OFD1: variants seen among roughly 807,000 people sequenced by gnomAD.
OFD1 encodes the protein OFD1 centriole and centriolar satellite protein.
OFD1 carries 12 observed loss-of-function variants against 81.4 expected under a neutral mutation model. The ratio of observed to expected loss-of-function variants is 0.15; its 90% CI spans 0.09 to 0.24. The LOEUF is 0.24. Ranked by LOEUF, OFD1 falls within the 10% of genes least tolerant of loss-of-function variation. OFD1 has a pLI of 1.00. For synonymous variants in OFD1, 256 were observed against 263.7 expected, an observed-to-expected ratio of 0.97 and a Z score of 0.28; for missense variants, 685 against 733.9, an observed-to-expected ratio of 0.93 and a Z score of 0.77.
the OFD1 span, among the ~76,000 whole-genome samples, chrX:13,725,594 A>T: frequency 8.9e-6 from 1 of 112,423 alleles, no homozygotes; most frequent in African/African-American, 3.2e-5. Flanking sequence ...CCAAAACCCC[A>T]TCTGTAGGTC....
intron 15 of OFD1, among the ~76,000 whole-genome samples, chrX:13,758,695 G>GT (rs1183701653): frequency 2.7e-5 from 3 of 111,440 alleles, no homozygotes; most frequent in South Asian, 7.5e-4. Flanking sequence ...TAGGAAAGGC[G>GT]TGGTGGTAAC....
intron 12 of OFD1, 97 bp from the exon 13 acceptor site, chrX:13,756,481 A>T: frequency 3.2e-6 from 2 of 630,145 alleles, no homozygotes; most frequent in Non-Finnish European, 5.0e-6. Flanking sequence ...GACCTTAATT[A>T]AATTGTGACA....
chrX:13,744,493 G>A lies in OFD1; in HGVS notation c.491G>A (p.Ser164Asn), dbSNP rs1227304686. The change falls in exon 6 of 23, where the codon AGT becomes AAT. Residue 164 changes from serine to asparagine, a missense_variant. Physicochemically the swap from Ser to Asn is conservative, Grantham distance 46. This residue lies in a region of OFD1 where 414 missense variants were observed against 447.2 expected (regional missense o/e 0.93). Transcript: ENST00000340096. ...AGTTGTAATATGGAAACTCAGACAA[G>A]TTCGACATTTAACAGAGATTCTCTG... ...KESCNMETQT[S>N]STFNRDSLAE... 1.4e-5 allele frequency: 16 copies of A among 1,154,315 alleles called. No homozygotes were observed. Among genetic ancestry groups the A allele is most frequent in the Non-Finnish European group, 1.9e-5 (16 of 844,914 alleles).
the OFD1 span, among the ~76,000 whole-genome samples, chrX:13,729,636 C>T: frequency 5.8e-4 from 65 of 111,911 alleles, 1 homozygote; most frequent in East Asian, 0.016. Flanking sequence ...GGGCTGGGCA[C>T]GGTGGCTCAA....
Position 13,738,437 on chromosome X carries a change from TTTAA to T in OFD1, c.313-405_313-402del, listed in dbSNP as rs750233492. ...CTGTTAAACAATATTTTAAGTACAC[TTTAA>T]TTACGGTTTTAAGGACAGTAAAAAT... On this transcript the variant is annotated intron_variant, in intron 3 of 22. Transcript: ENST00000340096. Among the ~76,000 whole-genome samples the T allele has an allele frequency of 5.3e-5, 6 of 112,714 alleles. No individual in the cohort carries two copies. The South Asian group carries it at 2.1e-3, about 40-fold the overall frequency.
At chrX:13,757,856 A>G in intron 14 of OFD1, 66 bp downstream of exon 14, 1 of 1,094,305 alleles carries the variant, frequency 9.1e-7, no homozygotes. Context: ...TAAACTTGGC[A>G]CAAGTCACAC....
chrX:13,724,902 C>T, the OFD1 span, among the ~76,000 whole-genome samples: 3 of 113,262 alleles, frequency 2.6e-5, no homozygotes, highest in African/African-American at 9.6e-5. Context: ...CACCCAAATA[C>T]TGTGCTTTTC....
At chrX:13,717,582 T>C in the OFD1 span, among the ~76,000 whole-genome samples, 1 of 110,164 alleles carries the variant, frequency 9.1e-6, no homozygotes, top group Non-Finnish European at 1.9e-5. Context: ...TCTCTACTAA[T>C]ACAAAAATTG....
the OFD1 span, among the ~76,000 whole-genome samples, chrX:13,724,436 C>T: frequency 2.1e-4 from 22 of 105,780 alleles, no homozygotes; most frequent in African/African-American, 6.6e-4. Context: ...TTTTAGGCTA[C>T]GATCAGGAAA....
chrX:13,716,367 A>T, the OFD1 span: 2 of 636,834 alleles, frequency 3.1e-6, no homozygotes, highest in Non-Finnish European at 4.8e-6. Context: ...TATTAAACAA[A>T]ATGTTTTTCC....
In OFD1 at chrX:13,768,021, T is replaced by C. The variant is rs748838185; in HGVS notation, c.2758-33T>C. The stretch of plus-strand genomic sequence containing the variant: ...CACTTAAAAGTTTTACAAATGTATT[T>C]GTGTATTTTCTGTTTTGGTGCCTGT... On this transcript the variant is annotated intron_variant, in intron 20 of 22. Coordinates refer to ENST00000340096, the MANE Select transcript of OFD1 (RefSeq NM_003611.3). 6.9e-6 allele frequency: 8 copies of C among 1,152,995 alleles called. No homozygotes were observed. In the Admixed American group the frequency reaches 1.8e-4, roughly 25 times the overall value.
In OFD1 at chrX:13,755,946, C is replaced by CTTTTTTTT. The variant is rs34300430; in HGVS notation, c.1222-617_1222-610dup. Among the ~76,000 whole-genome samples the CTTTTTTTT allele has an allele frequency of 7.7e-5, 5 of 65,091 alleles. 1 individual carries two copies. The highest frequency in any genetic ancestry group is 2.0e-4 in the African/African-American group (3 of 15,216). 56.5% of individuals were successfully genotyped at this position (65,091 alleles called of 115,157 possible). On this transcript the variant is annotated intron_variant, in intron 12 of 22. Transcript: ENST00000340096. ...ACAGAATCTTTTTTCCTTTCTTTCC[C>CTTTTTTTT]TTTTTTTTTTTTTTTTTTTTTTGAG...
the OFD1 span, among the ~76,000 whole-genome samples, chrX:13,719,248 C>CAAA: frequency 9.7e-6 from 1 of 103,271 alleles, no homozygotes; most frequent in East Asian, 3.0e-4. Flanking sequence ...TTCCTTGTCT[C>CAAA]AAAAAAAAAA....
At chrX:13,742,909 A>C (rs1043461764) in intron 5 of OFD1, among the ~76,000 whole-genome samples, 1 of 111,628 alleles carries the variant, frequency 9.0e-6, no homozygotes, top group Non-Finnish European at 1.9e-5. Flanking sequence ...ATGTTTGCAA[A>C]TTTAGGTCAG....
At chrX:13,754,744 T>C (rs888820931) in intron 11 of OFD1, among the ~76,000 whole-genome samples, 63 of 112,974 alleles carry the variant, frequency 5.6e-4, no homozygotes, top group African/African-American at 1.9e-3. Context: ...ACTTCTTTTA[T>C]GCATTAATAC....
chrX:13,745,129 A>G (rs1205694821), intron 6 of OFD1, among the ~76,000 whole-genome samples: 2 of 112,093 alleles, frequency 1.8e-5, no homozygotes, highest in Non-Finnish European at 3.8e-5. Context: ...GCCCTTCCTT[A>G]CTCTTAAATG....
chrX:13,725,937 A>G, the OFD1 span, among the ~76,000 whole-genome samples: 1 of 112,193 alleles, frequency 8.9e-6, no homozygotes, highest in Non-Finnish European at 1.9e-5. Flanking sequence ...GCTAAAAACC[A>G]TGGCACAAGA....
chrX:13,727,677 G>T, the OFD1 span, among the ~76,000 whole-genome samples: 14 of 111,707 alleles, frequency 1.3e-4, no homozygotes, highest in South Asian at 3.7e-4. Flanking sequence ...CCCTAACATT[G>T]CAATTAAAAG....
rs1310223906 is a variant in OFD1, at chrX:13,768,311, C to T, written c.2928+87C>T. On this transcript the variant is annotated intron_variant, in intron 21 of 22. Transcript: ENST00000340096. Reference sequence around the variant, plus strand: ...ACTTCTTGGGACGGGAATCCGTCTTCTCCATTGAAGACAAAAAGGTGAAAA... The same window carrying T: ...ACTTCTTGGGACGGGAATCCGTCTTTTCCATTGAAGACAAAAAGGTGAAAA... 2.6e-5 allele frequency: 19 copies of T among 726,694 alleles called. No individual in the cohort carries two copies. In the East Asian group the frequency reaches 6.0e-4, roughly 23 times the overall value. The allele number at this position is 726,694 out of a possible 1,213,427, so 59.9% of individuals were successfully genotyped here.
Sources: gnomAD v4.1 joint callset for allele counts (sites outside exome capture counted in the v4.1 genomes callset) on GRCh38, gnomAD v4.1.1 for gene constraint, gnomAD v4.1.1 regional missense constraint, MANE v1.5 for transcripts, NCBI Gene and HGNC (gene_info 2026-07-23, HGNC 2026-07-21) for gene names.